Variants in DAB1 observed in about 807,000 individuals in gnomAD.
DAB1 encodes the protein DAB adaptor protein 1.
DAB1 carries 15 observed loss-of-function variants against 64.6 expected under a neutral mutation model. The ratio of observed to expected loss-of-function variants is 0.23; its 90% CI spans 0.16 to 0.36. DAB1 has a LOEUF of 0.36. DAB1 is among the 10% of genes least tolerant of loss of function. The pLI, the probability that DAB1 is intolerant of heterozygous loss-of-function variation, is 1.00. For missense variants in DAB1, 596 were observed against 706.7 expected, an observed-to-expected ratio of 0.84 and a Z score of 1.78; for synonymous variants, 235 against 251.9, an observed-to-expected ratio of 0.93 and a Z score of 0.64.
chr1:57,234,117 A>G (rs1396597092), intron 2 of DAB1, among the ~76,000 whole-genome samples: 1 of 152,216 alleles, frequency 6.6e-6, no homozygotes, highest in Non-Finnish European at 1.5e-5. Flanking sequence ...AGAACCAGGT[A>G]CTATTGCTTG....
chr1:57,987,726 C>T (rs1482412542), intron 5 of DAB1, among the ~76,000 whole-genome samples: 1 of 152,144 alleles, frequency 6.6e-6, no homozygotes, highest in African/African-American at 2.4e-5. Context: ...TATAAGATGC[C>T]TGCCTGCCTC....
intron 6 of DAB1, among the ~76,000 whole-genome samples, chr1:57,734,590 C>G (rs1647596108): frequency 6.6e-6 from 1 of 152,044 alleles, no homozygotes; most frequent in South Asian, 2.1e-4. Context: ...CCTTTTTTAC[C>G]TTTGAAAGTT....
At chr1:57,570,561 G>C (rs1645182430) in intron 7 of DAB1, among the ~76,000 whole-genome samples, 1 of 152,072 alleles carries the variant, frequency 6.6e-6, no homozygotes, top group South Asian at 2.1e-4. Context: ...GTACCATGCT[G>C]TTTTGGTGAC....
At chr1:57,084,232 G>A (rs894914330) in intron 4 of DAB1, among the ~76,000 whole-genome samples, 1 of 152,154 alleles carries the variant, frequency 6.6e-6, no homozygotes, top group Non-Finnish European at 1.5e-5. Context: ...GGAAATCTGG[G>A]CACAGACATG....
intron 3 of DAB1, among the ~76,000 whole-genome samples, chr1:58,388,686 T>C (rs542681917): frequency 6.6e-6 from 1 of 152,348 alleles, no homozygotes; most frequent in South Asian, 2.1e-4. Flanking sequence ...TCTATCATTA[T>C]AAACCAAGTA....
At chr1:57,826,903 G>T (rs1187937640) in intron 1 of DAB1, among the ~76,000 whole-genome samples, 1 of 152,138 alleles carries the variant, frequency 6.6e-6, no homozygotes, top group African/African-American at 2.4e-5. Context: ...TAGTAATAGT[G>T]TCACTGACCT....
At chr1:57,967,471 G>C (rs1645695465) in intron 5 of DAB1, among the ~76,000 whole-genome samples, 1 of 152,132 alleles carries the variant, frequency 6.6e-6, no homozygotes, top group Non-Finnish European at 1.5e-5. Flanking sequence ...TCCATACTCT[G>C]TGTCCTTATT....
At chr1:57,320,424 C>G (rs147851106) in intron 1 of DAB1, among the ~76,000 whole-genome samples, 1 of 152,280 alleles carries the variant, frequency 6.6e-6, no homozygotes, top group East Asian at 1.9e-4. Flanking sequence ...ATTATGCACA[C>G]TAACTTCTTG....
intron 6 of DAB1, among the ~76,000 whole-genome samples, chr1:57,714,067 G>C (rs182410164): frequency 1.3e-5 from 2 of 152,192 alleles, no homozygotes; most frequent in African/African-American, 4.8e-5. Context: ...CAGTCTGGTG[G>C]GGGAAGTAGA....
At chr1:57,744,857 G>A (rs555476222) in intron 6 of DAB1, among the ~76,000 whole-genome samples, 183 of 152,260 alleles carry the variant, frequency 1.2e-3, no homozygotes, top group African/African-American at 4.1e-3. Context: ...GAGGCAGGCC[G>A]GCTGTCCAAA....
chr1:58,004,446 A>T (rs1646551376), intron 5 of DAB1, among the ~76,000 whole-genome samples: 1 of 152,078 alleles, frequency 6.6e-6, no homozygotes, highest in African/African-American at 2.4e-5. Flanking sequence ...CAGAGAAAGG[A>T]TGGAGGGAAG....
chr1:57,929,829 G>T (rs1370306342), intron 5 of DAB1, among the ~76,000 whole-genome samples: 4 of 152,060 alleles, frequency 2.6e-5, no homozygotes, highest in African/African-American at 9.7e-5. Flanking sequence ...CCCCAGAATT[G>T]GTTTGGTCTT....
intron 2 of DAB1, among the ~76,000 whole-genome samples, chr1:58,508,794 A>C (rs953792400): frequency 6.6e-6 from 1 of 152,170 alleles, no homozygotes; most frequent in Non-Finnish European, 1.5e-5. Context: ...GAAGCTCAGC[A>C]TGAAATGAGT....
intron 2 of DAB1, among the ~76,000 whole-genome samples, chr1:57,226,670 AAAAT>A (rs1667280482): frequency 8.4e-6 from 1 of 119,504 alleles, no homozygotes; most frequent in African/African-American, 4.0e-5. Flanking sequence ...GGTTAAAAAA[AAAAT>A]ATATATATAT....
rs572716828 is a variant in DAB1 at position 57,556,347 on chromosome 1, T to C, written n.625+93245A>G. Among the ~76,000 whole-genome samples, 10 of 152,302 alleles carry C rather than the reference T, an allele frequency of 6.6e-5. No homozygotes were observed. The South Asian group carries it at 2.1e-3, about 32-fold the overall frequency. On this transcript the variant is annotated intron_variant and non_coding_transcript_variant, in intron 7 of 20. Transcript: ENST00000485760. ...GTTCTACTTTTAGTTCTTTAAGGAATCTCCACACTGTTTTCCATAGTGGTT... is the reference window on the plus strand; with the variant it reads ...GTTCTACTTTTAGTTCTTTAAGGAACCTCCACACTGTTTTCCATAGTGGTT...
chr1:57,682,481 G>T (rs1263308371), intron 6 of DAB1, among the ~76,000 whole-genome samples: 1 of 151,370 alleles, frequency 6.6e-6, no homozygotes, highest in African/African-American at 2.4e-5. Context: ...ACAAAACATG[G>T]AGAGTGGATG....
At chr1:57,494,160 A>G (rs573078829) in intron 7 of DAB1, among the ~76,000 whole-genome samples, 142 of 152,288 alleles carry the variant, frequency 9.3e-4, no homozygotes, top group Non-Finnish European at 1.7e-3. Context: ...GTCAATTAAA[A>G]TCCATAATGG....
intron 2 of DAB1, among the ~76,000 whole-genome samples, chr1:57,169,386 C>T (rs1569710909): frequency 6.6e-6 from 1 of 152,286 alleles, no homozygotes; most frequent in Non-Finnish European, 1.5e-5. Context: ...ATAATGTAGT[C>T]ACTGTTATTA....
chr1:57,225,386 T>C (rs1364778190), intron 2 of DAB1, among the ~76,000 whole-genome samples: 1 of 152,162 alleles, frequency 6.6e-6, no homozygotes, highest in Non-Finnish European at 1.5e-5. Context: ...TGAATTGAAC[T>C]GAATTGAAGG....
Sources: gnomAD v4.1 joint callset for allele counts (sites outside exome capture counted in the v4.1 genomes callset) on GRCh38, gnomAD v4.1.1 for gene constraint, MANE v1.5 for transcripts, NCBI Gene and HGNC (gene_info 2026-07-23, HGNC 2026-07-21) for gene names.